Variants in IGF1R observed in about 807,000 individuals in gnomAD.
IGF1R encodes insulin like growth factor 1 receptor, also known as insulin-like growth factor 1 receptor.
A neutral mutation model predicts 144.6 loss-of-function variants in IGF1R; 44 were observed. The ratio of observed to expected loss-of-function variants is 0.30; its 90% CI spans 0.24 to 0.39. The LOEUF (loss-of-function observed/expected upper bound fraction) is 0.39, where lower values mean the gene tolerates loss of function less well. Among genes scored for constraint, IGF1R ranks in the 10% least tolerant of loss-of-function variants. The pLI, the probability that IGF1R is intolerant of heterozygous loss-of-function variation, is 1.00. For missense variants in IGF1R, 1,355 were observed against 1,833.7 expected (o/e 0.74, Z 4.77); for synonymous variants, 795 against 722.8 (o/e 1.10, Z -1.60).
In IGF1R at chr15:98,825,351, A is replaced by G. The variant is rs75251574; in HGVS notation, c.641-65974A>G. Among the ~76,000 whole-genome samples, 1,134 of 152,336 alleles carry G rather than the reference A, an allele frequency of 7.4e-3. 19 individuals carry two copies. The highest frequency in any genetic ancestry group is 0.026 in the African/African-American group (1,080 of 41,564). On this transcript the variant is annotated intron_variant, in intron 2 of 20. Coordinates refer to ENST00000650285, the MANE Select transcript of IGF1R (RefSeq NM_000875.5). Reference sequence around the variant, plus strand: ...TTATAAAATGGTGTGATATTTGTGTATAGCCCATGCTCATCTTTCCGTATA... The same window carrying G: ...TTATAAAATGGTGTGATATTTGTGTGTAGCCCATGCTCATCTTTCCGTATA...
intron 15 of IGF1R, among the ~76,000 whole-genome samples, chr15:98,934,023 T>A (rs1269149895): frequency 6.6e-6 from 1 of 152,228 alleles, no homozygotes; most frequent in East Asian, 1.9e-4. Context: ...TTTAATAGTT[T>A]TTTAGTTCCA....
intron 2 of IGF1R, among the ~76,000 whole-genome samples, chr15:98,856,353 T>C (rs1306511546): frequency 6.6e-6 from 1 of 152,204 alleles, no homozygotes; most frequent in African/African-American, 2.4e-5. Context: ...TATACATCTC[T>C]AGCCCTGTGG....
rs181153010 is a variant in IGF1R at position 98,838,014 on chromosome 15, T to G, written c.641-53311T>G. Among the ~76,000 whole-genome samples, 390 of 152,328 alleles carry G rather than the reference T, an allele frequency of 2.6e-3. 8 individuals carry two copies. Among genetic ancestry groups the G allele is most frequent in the Non-Finnish European group, 4.9e-4 (33 of 68,034 alleles). ...CCCATTTGAGAATTTACAAAATCAT[T>G]TTCACGGCCTGAGAGTCTTTTAGGT... On this transcript the variant is annotated intron_variant, in intron 2 of 20. Transcript: ENST00000650285.
At chr15:98,841,020 C>T (rs866014092) in intron 2 of IGF1R, among the ~76,000 whole-genome samples, 2 of 152,126 alleles carry the variant, frequency 1.3e-5, no homozygotes, top group African/African-American at 4.8e-5. Context: ...TGTAGCCTCC[C>T]GAAGTGCTGG....
At chr15:98,924,159 C>A in intron 12 of IGF1R, 147 bp downstream of exon 12, 1 of 837,168 alleles carries the variant, frequency 1.2e-6, no homozygotes, top group South Asian at 1.5e-5. Context: ...GGTCTTTCTA[C>A]CCACTCTGTA....
chr15:98,812,501 C>T (rs764332479), intron 2 of IGF1R, among the ~76,000 whole-genome samples: 20 of 151,972 alleles, frequency 1.3e-4, no homozygotes, highest in Non-Finnish European at 2.8e-4. Flanking sequence ...GGATTACAGA[C>T]GCCTGCCACC....
intron 2 of IGF1R, among the ~76,000 whole-genome samples, chr15:98,825,310 G>C (rs1470771268): frequency 6.6e-6 from 1 of 152,190 alleles, no homozygotes; most frequent in Non-Finnish European, 1.5e-5. Flanking sequence ...AAAATCCACA[G>C]ATGCTCAAGT....
rs755773250 is a variant in IGF1R, at chr15:98,959,929, CTG to C, written c.*2489_*2490del. 115 of 232,480 alleles carry C rather than the reference CTG, an allele frequency of 4.9e-4. No homozygotes were observed. The highest frequency in any genetic ancestry group is 8.7e-4 in the Non-Finnish European group (103 of 117,930). The allele number at this position is 232,480 out of a possible 1,614,324, so 14.4% of individuals were successfully genotyped here. A position where few individuals can be genotyped will look rare whatever the true frequency, so the allele number is the denominator to read the frequency against. On this transcript the variant is annotated 3_prime_UTR_variant, in exon 21 of 21. Coordinates refer to ENST00000650285, the MANE Select transcript of IGF1R (RefSeq NM_000875.5). Reference sequence around the variant, plus strand: ...TGTGATAAATTACCAGTTTCAATCACTGTAGAAAAGCCCCATTATGAATTTAA... The same window carrying C: ...TGTGATAAATTACCAGTTTCAATCACTAGAAAAGCCCCATTATGAATTTAA...
At chr15:98,866,243 G>GCCA (rs1266596488) in intron 2 of IGF1R, among the ~76,000 whole-genome samples, 2 of 152,090 alleles carry the variant, frequency 1.3e-5, no homozygotes, top group Non-Finnish European at 2.9e-5. Context: ...GTCCCCCGCC[G>GCCA]CCACCACACA....
chr15:98,837,294 A>C (rs928264093), intron 2 of IGF1R, among the ~76,000 whole-genome samples: 2 of 152,120 alleles, frequency 1.3e-5, no homozygotes, highest in African/African-American at 4.8e-5. Context: ...ACTGGAGTGC[A>C]GTGGCGCAAT....
intron 10 of IGF1R, among the ~76,000 whole-genome samples, chr15:98,918,728 A>C (rs2015357988): frequency 1.3e-5 from 2 of 152,260 alleles, no homozygotes; most frequent in South Asian, 4.1e-4. Flanking sequence ...AGATACAAAA[A>C]ATTAGCCAAG....
intron 1 of IGF1R, among the ~76,000 whole-genome samples, chr15:98,659,136 G>T (rs2052546194): frequency 6.6e-6 from 1 of 152,162 alleles, no homozygotes; most frequent in African/African-American, 2.4e-5. Context: ...ATTTAAATAT[G>T]TTATAGAACC....
At chr15:98,745,942 T>A (rs2054853904) in intron 2 of IGF1R, among the ~76,000 whole-genome samples, 1 of 152,226 alleles carries the variant, frequency 6.6e-6, no homozygotes, top group African/African-American at 2.4e-5. Flanking sequence ...TGCAGCATTG[T>A]TTTTGATAGT....
At chr15:98,782,094 T>G (rs930140722) in intron 2 of IGF1R, among the ~76,000 whole-genome samples, 8 of 152,194 alleles carry the variant, frequency 5.3e-5, no homozygotes, top group Non-Finnish European at 1.2e-4. Context: ...CCTGTTTATG[T>G]TTTAAATAGC....
intron 2 of IGF1R, among the ~76,000 whole-genome samples, chr15:98,863,564 C>T (rs2012274282): frequency 6.6e-6 from 1 of 152,172 alleles, no homozygotes; most frequent in Admixed American, 6.5e-5. Flanking sequence ...CAGTGAGGGA[C>T]ATAAACTTTT....
intron 2 of IGF1R, among the ~76,000 whole-genome samples, chr15:98,736,710 C>G (rs1489491210): frequency 6.7e-6 from 1 of 150,076 alleles, no homozygotes; most frequent in African/African-American, 2.5e-5. Flanking sequence ...CTCCCGGGTT[C>G]AAGCAATTCT....
chr15:98,649,819 TG>T, intron 1 of IGF1R, 144 bp downstream of exon 1: 1 of 613,400 alleles, frequency 1.6e-6, no homozygotes, highest in South Asian at 1.9e-5. Flanking sequence ...AGGGCGGCTC[TG>T]CCGGGAGGGA....
intron 2 of IGF1R, among the ~76,000 whole-genome samples, chr15:98,725,894 T>TA (rs2141287839): frequency 6.6e-6 from 1 of 152,316 alleles, no homozygotes; most frequent in South Asian, 2.1e-4. Context: ...TCGTCAGACT[T>TA]ATTCACTATC....
At position 98,748,450 on chromosome 15, in the gene IGF1R, C is replaced by T. The variant is rs1026398355; in HGVS notation, c.640+40343C>T. Among the ~76,000 whole-genome samples, 12 of 152,256 alleles carry T rather than the reference C, an allele frequency of 7.9e-5. 1 individual carries two copies. The highest frequency in any genetic ancestry group is 2.9e-4 in the African/African-American group (12 of 41,458). Reference sequence around the variant, plus strand: ...CCAGCCTCCCAAAGTGCTGGGATTACAGGCGTGAGCCACCACATGCAGTCC... The same window carrying T: ...CCAGCCTCCCAAAGTGCTGGGATTATAGGCGTGAGCCACCACATGCAGTCC... On this transcript the variant is annotated intron_variant, in intron 2 of 20. Transcript: ENST00000650285.
Sources: gnomAD v4.1 joint callset for allele counts (sites outside exome capture counted in the v4.1 genomes callset) on GRCh38, gnomAD v4.1.1 for gene constraint, MANE v1.5 for transcripts, NCBI Gene and HGNC (gene_info 2026-07-23, HGNC 2026-07-21) for gene names.